Variants in FCGR3B observed in about 807,000 individuals in gnomAD.
FCGR3B encodes low affinity immunoglobulin gamma Fc region receptor III-B.
Under a neutral mutation model 26.7 loss-of-function variants are expected in FCGR3B, and 20 were observed. That is an observed-to-expected ratio of 0.75 (90% CI 0.53 to 1.09). The LOEUF is 1.09. Ranked by LOEUF, FCGR3B falls within the 50% of genes least tolerant of loss-of-function variation. FCGR3B has a pLI of 0.00. For synonymous variants in FCGR3B, 79 were observed against 107.0 expected (o/e 0.74, Z 1.62); for missense variants, 191 against 279.7 (o/e 0.68, Z 2.26).
intron 1 of FCGR3B, chr1:161,630,842 A>T (rs77109226): frequency 1.7e-6 from 2 of 1,143,632 alleles, no homozygotes; most frequent in Non-Finnish European, 2.4e-6. Flanking sequence ...GGGTGAAGTG[A>T]CTGGCCTCAC....
At chr1:161,628,561 C>G (rs1355381157) in intron 3 of FCGR3B, among the ~76,000 whole-genome samples, 1 of 148,822 alleles carries the variant, frequency 6.7e-6, no homozygotes, top group Admixed American at 6.7e-5. Flanking sequence ...TCTTACCTAG[C>G]TAGAAATGGA....
chr1:161,630,877 C>T lies in FCGR3B; in HGVS notation c.40+178G>A, dbSNP rs1447425307. On this transcript the variant is annotated intron_variant, in intron 1 of 4. Transcript: ENST00000650385. ...CTCATGACTATGACCCAATTGGAAC[C>T]AGCATTCTCCTCATTTCTAGCCCCA... The T allele has an allele frequency of 7.1e-6, 10 of 1,404,350 alleles. 1 individual carries two copies. The East Asian group carries it at 7.7e-5, about 11-fold the overall frequency. The allele number at this position is 1,404,350 out of a possible 1,614,324, so 87.0% of individuals were successfully genotyped here.
At chr1:161,625,032 T>TAA (rs66963969) in intron 4 of FCGR3B, among the ~76,000 whole-genome samples, 1 of 143,490 alleles carries the variant, frequency 7.0e-6, no homozygotes, top group Non-Finnish European at 1.5e-5. Context: ...TTTCCAAACT[T>TAA]AAAAAAAATG....
upstream of FCGR3B, chr1:161,631,594 T>C (rs1192491823): frequency 2.9e-6 from 1 of 343,816 alleles, no homozygotes; most frequent in Non-Finnish European, 5.1e-6. Context: ...AGGCCCTGCC[T>C]GCACACAGAA....
At chr1:161,627,999 C>T (rs567441881) in intron 3 of FCGR3B, among the ~76,000 whole-genome samples, 5 of 150,132 alleles carry the variant, frequency 3.3e-5, no homozygotes, top group East Asian at 1.9e-4. Context: ...GCAGGCTGGG[C>T]GCGGTGGCTC....
chr1:161,625,287 T>G (rs1339206405), intron 4 of FCGR3B, among the ~76,000 whole-genome samples: 3 of 131,804 alleles, frequency 2.3e-5, no homozygotes, highest in Non-Finnish European at 4.8e-5. Context: ...TAGTTACAGA[T>G]AGAAGTTCTG....
chr1:161,626,445 C>G lies in FCGR3B; in HGVS notation c.320-43G>C, dbSNP rs569831380. The G allele has an allele frequency of 1.9e-6, 3 of 1,598,888 alleles. 1 individual carries two copies. Among genetic ancestry groups the G allele is most frequent in the Admixed American group, 1.7e-5 (1 of 58,624 alleles). On this transcript the variant is annotated intron_variant, in intron 3 of 4. Coordinates refer to ENST00000650385, the MANE Select transcript of FCGR3B (RefSeq NM_001244753.2). ...ACCCCAGGCCCGGGAGGCCTCAGCT[C>G]TCAGTGCAGAGCTTTGTGAAGGGGC... is the stretch of plus-strand genomic sequence containing the variant.
In FCGR3B at chr1:161,626,254, G is replaced by A. The variant is rs1388189641; in HGVS notation, c.468C>T (p.Asp156=). Residue 156 remains aspartate, a synonymous_variant, in exon 4 of 5, where the codon GAC becomes GAT. Coordinates refer to ENST00000650385, the MANE Select transcript of FCGR3B (RefSeq NM_001244753.2). ...KDRKYFHHNS[D]FHIPKATLKD... The stretch of plus-strand genomic sequence containing the variant: ...TGAGTGTGGCTTTTGGAATGTGGAA[G>A]TCAGAATTATGATGAAAATACTTCC... 6.2e-7 allele frequency: 1 copy of A among 1,608,672 alleles called. No homozygotes were observed. The highest frequency in any genetic ancestry group is 8.5e-7 in the Non-Finnish European group (1 of 1,177,672).
intron 3 of FCGR3B, among the ~76,000 whole-genome samples, chr1:161,627,683 G>T (rs1391010524): frequency 2.7e-5 from 4 of 150,158 alleles, no homozygotes; most frequent in Admixed American, 2.7e-4. Flanking sequence ...TAGTCTGGTG[G>T]CCTTTGGAGG....
At chr1:161,629,087 G>A (rs1488175830) in intron 3 of FCGR3B, among the ~76,000 whole-genome samples, 1 of 111,416 alleles carries the variant, frequency 9.0e-6, no homozygotes, top group Non-Finnish European at 1.9e-5. Flanking sequence ...ATGTCTGAGA[G>A]CGAGAAGGAG....
chr1:161,631,293 A>G (rs1679740893), upstream of FCGR3B: 2 of 1,362,050 alleles, frequency 1.5e-6, no homozygotes, highest in Admixed American at 4.9e-5. Context: ...GAACAGGAAT[A>G]GGAAGGAAAG....
In FCGR3B at chr1:161,624,276, G is replaced by C; in HGVS notation, c.*239C>G. 2.0e-6 allele frequency: 1 copy of C among 492,686 alleles called. No individual in the cohort carries two copies. The highest frequency in any genetic ancestry group is 3.3e-5 in the South Asian group (1 of 30,252). 30.5% of individuals were successfully genotyped at this position (492,686 alleles called of 1,614,324 possible). On this transcript the variant is annotated 3_prime_UTR_variant, in exon 5 of 5. Transcript: ENST00000650385. ...GGGGCTTCCCTGCTTGAAGATCATG[G>C]GCTTTTCCCTTCCACTGGAGACCAA... is the stretch of plus-strand genomic sequence containing the variant.
intron 3 of FCGR3B, among the ~76,000 whole-genome samples, chr1:161,628,054 A>G (rs1262409330): frequency 6.7e-6 from 1 of 149,970 alleles, no homozygotes; most frequent in Non-Finnish European, 1.5e-5. Flanking sequence ...TAGGCAGATC[A>G]CGAGGTCAGG....
rs1016051507 is a variant in FCGR3B at position 161,624,452 on chromosome 1, T to C, written c.*63A>G. 1.0e-5 allele frequency: 16 copies of C among 1,548,200 alleles called. No individual in the cohort carries two copies. The highest frequency in any genetic ancestry group is 2.8e-5 in the African/African-American group (2 of 70,378). On this transcript the variant is annotated 3_prime_UTR_variant, in exon 5 of 5. Transcript: ENST00000650385. ...TCTTATTACCCCCATGGGATGGGGGTCATGTGTCTTGAGGGTCCTTTCTCC... is the reference window on the plus strand; with the variant it reads ...TCTTATTACCCCCATGGGATGGGGGCCATGTGTCTTGAGGGTCCTTTCTCC...
In FCGR3B at chr1:161,626,833, AG is replaced by A. The variant is rs1032117751; in HGVS notation, c.320-432del. Among the ~76,000 whole-genome samples, 5 of 150,626 alleles carry A rather than the reference AG, an allele frequency of 3.3e-5. 1 individual carries two copies. The highest frequency in any genetic ancestry group is 1.2e-4 in the African/African-American group (5 of 40,636). ...GGAAAAGGTAGATTTCAGAAGGAAT[AG>A]GCAATCAAAGGAATATTGAAAGACT... On this transcript the variant is annotated intron_variant, in intron 3 of 4. Coordinates refer to ENST00000650385, the MANE Select transcript of FCGR3B (RefSeq NM_001244753.2).
At chr1:161,631,502 G>A (rs1238874378), upstream of FCGR3B, 2 of 475,270 alleles carry the variant, frequency 4.2e-6, no homozygotes, top group Admixed American at 7.5e-5. Flanking sequence ...AAGGTGGGAG[G>A]AGCATTCTCT....
chr1:161,624,262 G>T lies in FCGR3B; in HGVS notation c.*253C>A. On this transcript the variant is annotated 3_prime_UTR_variant, in exon 5 of 5. Coordinates refer to ENST00000650385, the MANE Select transcript of FCGR3B (RefSeq NM_001244753.2). ...TGCAGCTACTCACTGGGGCTTCCCTGCTTGAAGATCATGGGCTTTTCCCTT... is the reference window on the plus strand; with the variant it reads ...TGCAGCTACTCACTGGGGCTTCCCTTCTTGAAGATCATGGGCTTTTCCCTT... 2 of 456,492 alleles carry T rather than the reference G, an allele frequency of 4.4e-6. No individual in the cohort carries two copies. Among genetic ancestry groups the T allele is most frequent in the Non-Finnish European group, 8.0e-6 (2 of 251,006 alleles). The allele number at this position is 456,492 out of a possible 1,614,324, so 28.3% of individuals were successfully genotyped here.
At chr1:161,631,495 G>A, upstream of FCGR3B, 1 of 473,608 alleles carries the variant, frequency 2.1e-6, no homozygotes. Flanking sequence ...GAGATTCAAG[G>A]TGGGAGGAGC....
intron 2 of FCGR3B, 48 bp downstream of exon 2, chr1:161,630,320 C>A: frequency 6.4e-7 from 1 of 1,567,184 alleles, no homozygotes; most frequent in Non-Finnish European, 8.7e-7. Context: ...GGCCATTGTC[C>A]CCATATGTGC....
Sources: allele counts gnomAD v4.1 joint callset (sites outside exome capture counted in the v4.1 genomes callset), GRCh38; gene constraint gnomAD v4.1.1; transcripts MANE v1.5; gene names NCBI Gene and HGNC (gene_info 2026-07-23, HGNC 2026-07-21).